HDAC5: variants seen among roughly 807,000 people sequenced by gnomAD.
The protein encoded by HDAC5 is antigen NY-CO-9.
HDAC5 carries 25 observed loss-of-function variants against 133.3 expected under a neutral mutation model. The observed-to-expected ratio is 0.19, with a 90% CI of 0.14 to 0.26. HDAC5 has a LOEUF of 0.26. Among genes scored for constraint, HDAC5 ranks in the 10% least tolerant of loss-of-function variants. The pLI is 1.00. For synonymous variants in HDAC5, 589 were observed against 610.8 expected, an observed-to-expected ratio of 0.96 and a Z score of 0.53; for missense variants, 1,041 against 1,460.5, an observed-to-expected ratio of 0.71 and a Z score of 4.68.
Position 44,087,529 on chromosome 17 carries a change from C to A in HDAC5, c.1767G>T (p.Glu589Asp). The A allele has an allele frequency of 6.2e-7, 1 of 1,611,994 alleles. No individual in the cohort carries two copies. Among genetic ancestry groups the A allele is most frequent in the Non-Finnish European group, 8.5e-7 (1 of 1,178,268 alleles). ...CCTCCTCCCCATCGTCTTCCTCGTC[C>A]TCCTCCTCCAGGTCTTCCTGTGTGC... The part of the protein sequence containing the change: ...SESTQEDLEE[E>D]DEEDDGEEEE... Residue 589 changes from glutamate (E) to aspartate (D), a missense_variant, in exon 13 of 27, where the codon GAG becomes GAT. Transcript: ENST00000682912.
chr17:44,106,661 A>G (rs170636), intron 3 of HDAC5, among the ~76,000 whole-genome samples: 100,101 of 150,862 alleles, frequency 0.66, 34,635 homozygotes, highest in South Asian at 0.88. Context: ...CGCAATCTCG[A>G]CTCACCGCAA....
At position 44,117,820 on chromosome 17, in the gene HDAC5, TGCCCAC is replaced by T; in HGVS notation, c.-189-122_-189-117del. The T allele has an allele frequency of 1.8e-6, 1 of 562,114 alleles. No individual in the cohort carries two copies. 34.8% of individuals were successfully genotyped at this position (562,114 alleles called of 1,614,324 possible). ...ATGAGGGATGAGAGGGAGGGATACC[TGCCCAC>T]AGCCACAGGAGAAATCTGCAGAACT... On this transcript the variant is annotated intron_variant, in intron 1 of 26. Transcript: ENST00000682912. The surrounding 1 kb of genome is among the most constrained non-coding windows in gnomAD (Gnocchi z 4.2).
intron 15 of HDAC5, 81 bp downstream of exon 15, chr17:44,084,941 A>G: frequency 2.7e-6 from 4 of 1,499,514 alleles, no homozygotes; most frequent in South Asian, 1.3e-5. Context: ...GATGAGGAAG[A>G]AGCATGAAGA....
At chr17:44,120,936 C>G (rs2052953316) in intron 1 of HDAC5, among the ~76,000 whole-genome samples, 1 of 151,788 alleles carries the variant, frequency 6.6e-6, no homozygotes, top group East Asian at 1.9e-4. Flanking sequence ...GGGTGGCTGA[C>G]TTGGATGTCC....
chr17:44,089,582 T>TA (rs1272986478), intron 11 of HDAC5, among the ~76,000 whole-genome samples: 8 of 151,354 alleles, frequency 5.3e-5, no homozygotes, highest in Admixed American at 3.3e-4. Context: ...TCTTCTCTAA[T>TA]AAAAATACAA....
chr17:44,091,730 G>A lies in HDAC5; in HGVS notation c.1134C>T (p.Ala378=), dbSNP rs1173353149. 5 of 1,588,050 alleles carry A rather than the reference G, an allele frequency of 3.1e-6. No individual in the cohort carries two copies. Among genetic ancestry groups the A allele is most frequent in the African/African-American group, 1.3e-5 (1 of 74,132 alleles). ...SLPNISLGLQ[A]TVTVTNSHLT... Reference sequence around the variant, plus strand: ...GGTGTGAGTTGGTGACAGTGACCGTGGCCTGCAGCCCTAGGGAGATGTTGG... The same window carrying A: ...GGTGTGAGTTGGTGACAGTGACCGTAGCCTGCAGCCCTAGGGAGATGTTGG... Residue 378 remains alanine, a synonymous_variant, in exon 10 of 27, where the codon GCC becomes GCT. Coordinates refer to ENST00000682912, the MANE Select transcript of HDAC5 (RefSeq NM_005474.5).
chr17:44,117,740 C>T lies in HDAC5; in HGVS notation c.-189-36G>A. ...ATGGAGCAGGGTTAGAGGCCCCTAA[C>T]TCAGGAATCTGAGAGTCGAAGGAGA... On this transcript the variant is annotated intron_variant, in intron 1 of 26. Transcript: ENST00000682912. This position sits in a 1 kb window ranked among gnomAD's most constrained non-coding sequence, Gnocchi z 4.2. The T allele has an allele frequency of 1.7e-6, 1 of 602,466 alleles. No individual in the cohort carries two copies. The highest frequency in any genetic ancestry group is 3.0e-6 in the Non-Finnish European group (1 of 336,154). 37.3% of individuals were successfully genotyped at this position (602,466 alleles called of 1,614,324 possible).
At chr17:44,110,994 T>G in intron 2 of HDAC5, 194 bp from the exon 3 acceptor site, 1 of 581,886 alleles carries the variant, frequency 1.7e-6, no homozygotes, top group South Asian at 1.9e-5. Flanking sequence ...TGTAGGGAAG[T>G]GCCTCATCCG....
chr17:44,077,168 A>G lies in HDAC5; in HGVS notation c.*1208T>C, dbSNP rs944703962. The G allele has an allele frequency of 6.6e-6, 1 of 152,624 alleles. No homozygotes were observed. Among genetic ancestry groups the G allele is most frequent in the African/African-American group, 2.4e-5 (1 of 41,386 alleles). 9.5% of individuals were successfully genotyped at this position (152,624 alleles called of 1,614,324 possible). A position where few individuals can be genotyped will look rare whatever the true frequency, so the allele number is the denominator to read the frequency against. Reference sequence around the variant, plus strand: ...AGGAAGGAAGAGTCAGCCCCCTAGGAGCCACTTCCCATCTTTGGTTTCCTA... The same window carrying G: ...AGGAAGGAAGAGTCAGCCCCCTAGGGGCCACTTCCCATCTTTGGTTTCCTA... On this transcript the variant is annotated 3_prime_UTR_variant, in exon 27 of 27. Transcript: ENST00000682912.
At chr17:44,080,294 C>T (rs2050329909) in intron 22 of HDAC5, 69 bp from the exon 23 acceptor site, 2 of 1,547,672 alleles carry the variant, frequency 1.3e-6, no homozygotes, top group African/African-American at 1.4e-5. Context: ...TGTTATCCTC[C>T]CAGAGACAAC....
chr17:44,097,188 A>G (rs1395016748), intron 3 of HDAC5, among the ~76,000 whole-genome samples: 2 of 152,276 alleles, frequency 1.3e-5, no homozygotes, highest in African/African-American at 4.8e-5. Flanking sequence ...GCCGAGGCCA[A>G]GGCCATGCCA....
chr17:44,104,874 A>G (rs1175815694), intron 3 of HDAC5, among the ~76,000 whole-genome samples: 2 of 152,134 alleles, frequency 1.3e-5, no homozygotes, highest in African/African-American at 4.8e-5. Context: ...AGGAGGCCCT[A>G]AGCCCCTCTT....
In HDAC5 at chr17:44,078,273, A is replaced by G; in HGVS notation, c.*103T>C. 1 of 1,257,206 alleles carries G rather than the reference A, an allele frequency of 8.0e-7. No homozygotes were observed. The highest frequency in any genetic ancestry group is 1.7e-5 in the South Asian group (1 of 58,620). 77.9% of individuals were successfully genotyped at this position (1,257,206 alleles called of 1,614,324 possible). On this transcript the variant is annotated 3_prime_UTR_variant, in exon 27 of 27. Transcript: ENST00000682912. ...GAGGAGCAGGAGGGGCAAGGCTGAG[A>G]GACCCACACGGCACACCTTGTTGAA...
rs1483500522 is a variant in HDAC5 at position 44,078,107 on chromosome 17, G to C, written c.*269C>G. ...CTTGAGCTGGCCCAGGCTCCAAGGA[G>C]GAAAAGGACAGACAGAATGCAGGAA... On this transcript the variant is annotated 3_prime_UTR_variant, in exon 27 of 27. Coordinates refer to ENST00000682912, the MANE Select transcript of HDAC5 (RefSeq NM_005474.5). 3 of 368,338 alleles carry C rather than the reference G, an allele frequency of 8.1e-6. No homozygotes were observed. The highest frequency in any genetic ancestry group is 1.5e-5 in the Non-Finnish European group (3 of 205,682). 22.8% of individuals were successfully genotyped at this position (368,338 alleles called of 1,614,324 possible).
At chr17:44,087,743 C>T (rs774335890) in intron 12 of HDAC5, 47 bp from the exon 13 acceptor site, 2 of 1,522,424 alleles carry the variant, frequency 1.3e-6, no homozygotes, top group Non-Finnish European at 1.8e-6. Context: ...TGGGGAGCAG[C>T]TGTGCAGCCT....
intron 11 of HDAC5, among the ~76,000 whole-genome samples, chr17:44,089,406 C>G (rs1003698359): frequency 2.0e-5 from 3 of 151,952 alleles, no homozygotes; most frequent in Non-Finnish European, 2.9e-5. Context: ...GTCAGGAGTT[C>G]AAGACCAACT....
At chr17:44,096,378 T>C (rs2051270528) in intron 3 of HDAC5, among the ~76,000 whole-genome samples, 1 of 151,712 alleles carries the variant, frequency 6.6e-6, no homozygotes, top group Non-Finnish European at 1.5e-5. Flanking sequence ...ACCAGTATCT[T>C]CTGCCTTCAT....
rs1296166471 is a variant in HDAC5, at chr17:44,078,511, T to G, written c.3318A>C (p.Glu1106Asp). ...GGGTTGCTGCTTACCTGGGGCTGTGTTCCCGGGCTGCCGCAGCCTGGGCCT... is the reference window on the plus strand; with the variant it reads ...GGGTTGCTGCTTACCTGGGGCTGTGGTCCCGGGCTGCCGCAGCCTGGGCCT... Reference protein sequence around the residue: ...AEQAQAAAAREHSPRPAEEPM... With the variant: ...AEQAQAAAARDHSPRPAEEPM... Residue 1106 changes from glutamate to aspartate, a missense_variant, in exon 26 of 27, where the codon GAA becomes GAC. Around this residue, in one of 9 missense-constraint regions of HDAC5, gnomAD observed 95 missense variants for 107.3 expected, o/e 0.88. Transcript: ENST00000682912. 4.4e-6 allele frequency: 7 copies of G among 1,609,138 alleles called. No homozygotes were observed. The highest frequency in any genetic ancestry group is 3.4e-5 in the Admixed American group (2 of 59,466).
chr17:44,083,418 T>C, intron 18 of HDAC5, 127 bp downstream of exon 18: 1 of 660,890 alleles, frequency 1.5e-6, no homozygotes, highest in Non-Finnish European at 2.6e-6. Flanking sequence ...CTTCCCACCC[T>C]GGTGCCTGAG....
Sources: gnomAD v4.1 joint callset for allele counts (sites outside exome capture counted in the v4.1 genomes callset) on GRCh38, gnomAD v4.1.1 for gene constraint, gnomAD v4.1.1 regional missense constraint, Gnocchi (gnomAD v3.1) non-coding constraint, MANE v1.5 for transcripts, NCBI Gene and HGNC (gene_info 2026-07-23, HGNC 2026-07-21) for gene names.